The following PCSK5 variants were observed in gnomAD, a reference collection of about 807,000 sequenced individuals.
PCSK5 encodes prohormone convertase 5.
In PCSK5, 129 loss-of-function variants were observed where a neutral mutation model predicts 233.2. The ratio of observed to expected loss-of-function variants is 0.55; its 90% CI spans 0.48 to 0.64. The LOEUF is 0.64. PCSK5 is among the 30% of genes least tolerant of loss of function. The pLI, the probability that PCSK5 is intolerant of heterozygous loss-of-function variation, is 0.00. For synonymous variants in PCSK5, 825 were observed against 879.2 expected, an observed-to-expected ratio of 0.94 and a Z score of 1.09; for missense variants, 2,076 against 2,430.1, an observed-to-expected ratio of 0.85 and a Z score of 3.06.
chr9:76,073,224 C>A (rs999052446), intron 7 of PCSK5, among the ~76,000 whole-genome samples: 7 of 152,096 alleles, frequency 4.6e-5, no homozygotes, highest in Admixed American at 4.6e-4. Context: ...AACGATTTGC[C>A]CACATCTTCG....
At chr9:76,339,550 TTTTG>T (rs1439592826) in intron 35 of PCSK5, among the ~76,000 whole-genome samples, 2 of 151,982 alleles carry the variant, frequency 1.3e-5, no homozygotes, top group African/African-American at 2.4e-5. Flanking sequence ...TAATAAGTGT[TTTTG>T]TTTGTTTTGA....
At chr9:76,352,776 C>G (rs1306773974) in intron 36 of PCSK5, among the ~76,000 whole-genome samples, 1 of 151,992 alleles carries the variant, frequency 6.6e-6, no homozygotes, top group Non-Finnish European at 1.5e-5. Flanking sequence ...TCTTTAAATT[C>G]TGGCAACAGC....
chr9:76,310,662 A>T lies in PCSK5; in HGVS notation c.3695A>T (p.Tyr1232Phe). 1 of 1,566,012 alleles carries T rather than the reference A, an allele frequency of 6.4e-7. No homozygotes were observed. Among genetic ancestry groups the T allele is most frequent in the Non-Finnish European group, 8.6e-7 (1 of 1,160,348 alleles). The change falls in exon 30 of 38, where the codon TAT becomes TTT. Residue 1232 changes from tyrosine to phenylalanine, a missense_variant. Tyr to Phe is a conservative substitution (Grantham distance 22, BLOSUM62 3). Coordinates refer to ENST00000674117, the MANE Select transcript of PCSK5 (RefSeq NM_001372043.1). Reference protein sequence around the residue: ...TLCTSCPKGAYLLAQACVSSC... With the variant: ...TLCTSCPKGAFLLAQACVSSC... ...CTCTTCCCTGAATTTCTAGGTGCAT[A>T]TCTTCTGGCTCAGGCCTGTGTTTCC...
chr9:76,296,852 C>A lies in PCSK5; in HGVS notation c.3510C>A (p.Gly1170=). ...ATGCCACCAAGACCCAGGAGGAGGG[C>A]AAATTCTGGAATGGTATGTGCCCCC... is the stretch of plus-strand genomic sequence containing the variant. ...CVHATKTQEE[G]KFWNEAVSTA... is the part of the protein sequence containing the mutation. The change falls in exon 27 of 38, where the codon GGC becomes GGA. Residue 1170 remains glycine (G), a synonymous_variant. Coordinates refer to ENST00000674117, the MANE Select transcript of PCSK5 (RefSeq NM_001372043.1). 2 of 1,607,892 alleles carry A rather than the reference C, an allele frequency of 1.2e-6. No individual in the cohort carries two copies. The highest frequency in any genetic ancestry group is 2.2e-5 in the South Asian group (2 of 90,810).
At chr9:76,266,514 A>C (rs1827338615) in intron 24 of PCSK5, among the ~76,000 whole-genome samples, 1 of 152,204 alleles carries the variant, frequency 6.6e-6, no homozygotes, top group African/African-American at 2.4e-5. Context: ...GTTGATGTTC[A>C]CAGCAGTGTT....
intron 3 of PCSK5, among the ~76,000 whole-genome samples, chr9:76,010,608 C>A (rs1295862898): frequency 6.6e-6 from 1 of 152,202 alleles, no homozygotes; most frequent in African/African-American, 2.4e-5. Context: ...CTTTCAACAT[C>A]TTTCTCCACT....
chr9:75,928,638 T>TATATATATATATATATATATAA (rs1491404962), intron 1 of PCSK5, among the ~76,000 whole-genome samples: 1 of 128,586 alleles, frequency 7.8e-6, no homozygotes, highest in African/African-American at 2.9e-5. Flanking sequence ...TATATATATA[T>TATATATATATATATATATATAA]AATCCTAGAA....
At chr9:76,109,432 ATTT>A (rs869255908) in intron 9 of PCSK5, among the ~76,000 whole-genome samples, 4 of 26,860 alleles carry the variant, frequency 1.5e-4, no homozygotes, top group East Asian at 1.5e-3. Flanking sequence ...TAACACTATT[ATTT>A]TTTTAAAAAA....
intron 7 of PCSK5, among the ~76,000 whole-genome samples, chr9:76,093,640 CTT>C (rs1266102650): frequency 6.6e-6 from 1 of 151,752 alleles, no homozygotes; most frequent in African/African-American, 2.4e-5. Flanking sequence ...CATTGTGAGT[CTT>C]TGTCTATCAT....
chr9:76,018,952 T>C (rs1466938028), intron 3 of PCSK5, among the ~76,000 whole-genome samples: 3 of 152,222 alleles, frequency 2.0e-5, no homozygotes, highest in Admixed American at 6.5e-5. Flanking sequence ...TGCTTGTTTT[T>C]GGCCCTGCTC....
intron 7 of PCSK5, among the ~76,000 whole-genome samples, chr9:76,077,453 T>A (rs1331674468): frequency 6.6e-6 from 1 of 152,126 alleles, no homozygotes; most frequent in Non-Finnish European, 1.5e-5. Context: ...GATTCAGGGG[T>A]ACATGTGCAG....
At chr9:75,987,447 G>A (rs753991676) in intron 3 of PCSK5, among the ~76,000 whole-genome samples, 3 of 152,124 alleles carry the variant, frequency 2.0e-5, no homozygotes, top group Non-Finnish European at 4.4e-5. Flanking sequence ...GGCAAGCTCT[G>A]CATCTTGATC....
rs1384172843 is a variant in PCSK5 at position 76,310,763 on chromosome 9, T to C, written c.3796T>C (p.Ser1266Pro). Residue 1266 changes from serine (S) to proline (P), a missense_variant, in exon 30 of 38, where the codon TCT (serine) becomes CCT (proline). By Grantham distance (74) the Ser-to-Pro change is moderately conservative. Coordinates refer to ENST00000674117, the MANE Select transcript of PCSK5 (RefSeq NM_001372043.1). ...CTGTACGGAGGCCTGTGCCATCTGCTCTGGAGCCGATCTTTGCAAAAAATG... is the reference window on the plus strand; with the variant it reads ...CTGTACGGAGGCCTGTGCCATCTGCCCTGGAGCCGATCTTTGCAAAAAATG... The part of the protein sequence containing the change: ...ENCTEACAIC[S>P]GADLCKKCQM... 2.5e-6 allele frequency: 4 copies of C among 1,612,418 alleles called. No homozygotes were observed. Among genetic ancestry groups the C allele is most frequent in the Non-Finnish European group, 3.4e-6 (4 of 1,179,716 alleles).
At chr9:76,351,008 C>A in intron 36 of PCSK5, 80 bp downstream of exon 36, 2 of 730,488 alleles carry the variant, frequency 2.7e-6, no homozygotes, top group Middle Eastern at 2.4e-4. Context: ...TCATTCTGGG[C>A]AATCAAAATG....
At chr9:76,318,731 T>G (rs1829104527) in intron 30 of PCSK5, among the ~76,000 whole-genome samples, 1 of 152,202 alleles carries the variant, frequency 6.6e-6, no homozygotes, top group Non-Finnish European at 1.5e-5. Flanking sequence ...TTGAAAAAAG[T>G]CATCAGAGGT....
chr9:76,095,235 C>T (rs1408051036), intron 7 of PCSK5, among the ~76,000 whole-genome samples: 1 of 152,194 alleles, frequency 6.6e-6, no homozygotes, highest in Admixed American at 6.5e-5. Context: ...AAGATCAGTT[C>T]TATAGAAAGA....
chr9:76,141,643 T>G (rs1823231182), intron 10 of PCSK5, among the ~76,000 whole-genome samples: 1 of 152,176 alleles, frequency 6.6e-6, no homozygotes, highest in Non-Finnish European at 1.5e-5. Flanking sequence ...AGCCTCCTCC[T>G]GCTGTGGCAA....
chr9:75,996,091 G>T (rs1295034646), intron 3 of PCSK5, among the ~76,000 whole-genome samples: 1 of 152,098 alleles, frequency 6.6e-6, no homozygotes, highest in South Asian at 2.1e-4. Context: ...AAAATACTTT[G>T]TATTCATTAA....
At chr9:75,948,941 C>T (rs1320252423) in intron 2 of PCSK5, among the ~76,000 whole-genome samples, 1 of 151,932 alleles carries the variant, frequency 6.6e-6, no homozygotes, top group African/African-American at 2.4e-5. Context: ...CAAACCTAGT[C>T]ACTGCCCTCA....
Sources: allele counts gnomAD v4.1 joint callset (sites outside exome capture counted in the v4.1 genomes callset), GRCh38; gene constraint gnomAD v4.1.1; transcripts MANE v1.5; gene names NCBI Gene and HGNC (gene_info 2026-07-23, HGNC 2026-07-21).